STARD3: variants seen among roughly 807,000 people sequenced by gnomAD.
STARD3 encodes stAR-related lipid transfer protein 3.
In STARD3, 39 loss-of-function variants were observed where a neutral mutation model predicts 62.0. The ratio of observed to expected loss-of-function variants is 0.63; its 90% CI spans 0.49 to 0.82. STARD3 has a LOEUF of 0.82. Among genes scored for constraint, STARD3 ranks in the 40% least tolerant of loss-of-function variants. The pLI is 0.00. For synonymous variants in STARD3, 229 were observed against 242.4 expected, an observed-to-expected ratio of 0.94 and a Z score of 0.51; for missense variants, 543 against 584.5, an observed-to-expected ratio of 0.93 and a Z score of 0.73.
Position 39,659,316 on chromosome 17 carries a change from C to G in STARD3, c.703-145C>G, listed in dbSNP as rs1426068670. On this transcript the variant is annotated intron_variant, in intron 8 of 14. Transcript: ENST00000336308. ...GTGGAGCAGCCACAAGCCTGCAGGG[C>G]CCAGGGAGACCAGCCCAGATCCCAC... The G allele has an allele frequency of 1.0e-5, 10 of 977,224 alleles. No individual in the cohort carries two copies. The African/African-American group carries it at 1.1e-4, about 11-fold the overall frequency. The allele number at this position is 977,224 out of a possible 1,614,324, so 60.5% of individuals were successfully genotyped here.
At chr17:39,641,572 CCAGGGT>C (rs1398911072) in intron 1 of STARD3, among the ~76,000 whole-genome samples, 1 of 152,182 alleles carries the variant, frequency 6.6e-6, no homozygotes, top group Non-Finnish European at 1.5e-5. Context: ...ACCTGCCTGG[CCAGGGT>C]CCTGCCTCTA....
chr17:39,649,675 T>C (rs1294437569), intron 1 of STARD3, among the ~76,000 whole-genome samples: 1 of 151,588 alleles, frequency 6.6e-6, no homozygotes, highest in Non-Finnish European at 1.5e-5. Context: ...AAGACCAGCC[T>C]GGCCAATATG....
In STARD3 at chr17:39,662,900, C is replaced by G; in HGVS notation, c.1330C>G (p.Arg444Gly). 3 of 1,611,152 alleles carry G rather than the reference C, an allele frequency of 1.9e-6. No homozygotes were observed. The highest frequency in any genetic ancestry group is 1.7e-6 in the Non-Finnish European group (2 of 1,179,016). Residue 444 changes from arginine (R) to glycine (G), a missense_variant, in exon 15 of 15, where the codon CGG becomes GGG. Transcript: ENST00000336308. ...LRQRISELGA[R>G]A ...ACAGCGCATCAGCGAGCTGGGGGCC[C>G]GGGCGTGACTGTGCCCCCTCCCACC... is the stretch of plus-strand genomic sequence containing the variant.
At chr17:39,646,795 C>T (rs1016959893) in intron 1 of STARD3, among the ~76,000 whole-genome samples, 8 of 152,188 alleles carry the variant, frequency 5.3e-5, no homozygotes, top group Non-Finnish European at 8.8e-5. Context: ...GCCTGGAAAG[C>T]GGTGTGGGGG....
At chr17:39,649,865 CAAAAAAAAAAAA>C (rs10713558) in intron 1 of STARD3, among the ~76,000 whole-genome samples, 1 of 85,004 alleles carries the variant, frequency 1.2e-5, no homozygotes, top group Middle Eastern at 5.6e-3. Flanking sequence ...GACTCCGTCT[CAAAAAAAAAAAA>C]AAAAAAAAGA....
intron 1 of STARD3, among the ~76,000 whole-genome samples, chr17:39,648,061 G>A (rs916935579): frequency 2.6e-5 from 4 of 152,108 alleles, no homozygotes; most frequent in South Asian, 2.1e-4. Context: ...TGAGGCGGGC[G>A]GATCACGAGA....
In STARD3 at chr17:39,664,081, G is replaced by C. The variant is rs45469091; in HGVS notation, c.*1173G>C. 2 of 152,358 alleles carry C rather than the reference G, an allele frequency of 1.3e-5. No homozygotes were observed. Among genetic ancestry groups the C allele is most frequent in the East Asian group, 3.9e-4 (2 of 5,172 alleles). 9.4% of individuals were successfully genotyped at this position (152,358 alleles called of 1,614,324 possible). ...TTCAGAGCCAGGTGGATCCTGTTTC[G>C]GTCCTGCCTAGGTGTGTGACCCTGG... is the stretch of plus-strand genomic sequence containing the variant. On this transcript the variant is annotated 3_prime_UTR_variant, in exon 15 of 15. Transcript: ENST00000336308.
intron 1 of STARD3, among the ~76,000 whole-genome samples, chr17:39,648,807 T>G (rs1333285569): frequency 6.6e-6 from 1 of 152,220 alleles, no homozygotes; most frequent in Admixed American, 6.5e-5. Flanking sequence ...TAGCCCCATC[T>G]GCGTCTCTCG....
At chr17:39,646,186 T>A (rs1157426766) in intron 1 of STARD3, among the ~76,000 whole-genome samples, 3 of 151,956 alleles carry the variant, frequency 2.0e-5, no homozygotes, top group African/African-American at 4.8e-5. Flanking sequence ...CCACCGTGTC[T>A]GGCTTCTTGC....
intron 1 of STARD3, 47 bp from the exon 2 acceptor site, chr17:39,653,434 A>C (rs2057095735): frequency 2.3e-6 from 3 of 1,286,868 alleles, no homozygotes; most frequent in Non-Finnish European, 3.2e-6. Context: ...GCTGTGTGGG[A>C]GGGACAGGAG....
At chr17:39,662,518 T>C in intron 14 of STARD3, 174 bp downstream of exon 14, 1 of 684,014 alleles carries the variant, frequency 1.5e-6, no homozygotes. Context: ...TAGCCCTGGG[T>C]TGCTGTAGGG....
Position 39,653,582 on chromosome 17 carries a change from T to A in STARD3, c.51T>A (p.Pro17=). 1 of 1,610,538 alleles carries A rather than the reference T, an allele frequency of 6.2e-7. No homozygotes were observed. Among genetic ancestry groups the A allele is most frequent in the Non-Finnish European group, 8.5e-7 (1 of 1,179,986 alleles). Residue 17 remains proline (P), a synonymous_variant, in exon 2 of 15, where the codon CCT becomes CCA. Coordinates refer to ENST00000336308, the MANE Select transcript of STARD3 (RefSeq NM_006804.4). ...ELTRDLERSL[P]AVASLGSSLS... ...CCCGAGACTTGGAGCGCAGCCTGCC[T>A]GCCGTGGCCTCCCTGGGCTCCTCAC...
intron 3 of STARD3, among the ~76,000 whole-genome samples, chr17:39,657,559 C>G (rs1047434784): frequency 6.6e-6 from 1 of 152,086 alleles, no homozygotes; most frequent in African/African-American, 2.4e-5. Flanking sequence ...TCCACAAAGC[C>G]CCCTTCAGAG....
At chr17:39,658,102 T>A (rs760927680) in intron 5 of STARD3, 76 bp downstream of exon 5, 76 of 1,468,490 alleles carry the variant, frequency 5.2e-5, no homozygotes, top group Admixed American at 7.9e-5. Context: ...AGCATTTCTC[T>A]AATTTGGGGT....
At chr17:39,662,227 C>T (rs1272377724) in intron 13 of STARD3, 24 bp from the exon 14 acceptor site, 1 of 1,609,022 alleles carries the variant, frequency 6.2e-7, no homozygotes, top group Non-Finnish European at 8.5e-7. Flanking sequence ...TCCAAAGTCC[C>T]CCCAATGATG....
rs1295638394 is a variant in STARD3, at chr17:39,653,996, C to T, written c.219+246C>T. Among the ~76,000 whole-genome samples the T allele has an allele frequency of 3.3e-5, 5 of 152,324 alleles. No homozygotes were observed. In the East Asian group the frequency reaches 9.6e-4, roughly 29 times the overall value. On this transcript the variant is annotated intron_variant, in intron 2 of 14. Coordinates refer to ENST00000336308, the MANE Select transcript of STARD3 (RefSeq NM_006804.4). ...TGTGAAGGCAACGGCCTTGAACCTA[C>T]CCTCCAGCTGAGTTCATGCTCTTGG...
Position 39,662,427 on chromosome 17 carries a change from G to T in STARD3, c.1233+83G>T, listed in dbSNP as rs969479165. The T allele has an allele frequency of 5.1e-6, 7 of 1,371,194 alleles. No homozygotes were observed. The Admixed American group carries it at 1.2e-4, about 23-fold the overall frequency. 84.9% of individuals were successfully genotyped at this position (1,371,194 alleles called of 1,614,324 possible). A position where few individuals can be genotyped will look rare whatever the true frequency, so the allele number is the denominator to read the frequency against. On this transcript the variant is annotated intron_variant, in intron 14 of 14. Coordinates refer to ENST00000336308, the MANE Select transcript of STARD3 (RefSeq NM_006804.4). ...GACTTGGTTGCTGCATGACTTTGGG[G>T]GCTCTCTGCCATGCCTGGGCCTCCC... is the stretch of plus-strand genomic sequence containing the variant.
At chr17:39,659,668 C>G (rs2145033294) in intron 9 of STARD3, 115 bp downstream of exon 9, 1 of 1,142,574 alleles carries the variant, frequency 8.8e-7, no homozygotes, top group Non-Finnish European at 1.3e-6. Context: ...TATTCCTGCC[C>G]CAAGAGAGGG....
intron 1 of STARD3, among the ~76,000 whole-genome samples, chr17:39,647,549 G>C (rs566139777): frequency 6.6e-6 from 1 of 152,316 alleles, no homozygotes; most frequent in African/African-American, 2.4e-5. Flanking sequence ...CCTACAGTCA[G>C]CCAGAGAATG....
Sources: gnomAD v4.1 joint callset for allele counts (sites outside exome capture counted in the v4.1 genomes callset) on GRCh38, gnomAD v4.1.1 for gene constraint, MANE v1.5 for transcripts, NCBI Gene and HGNC (gene_info 2026-07-23, HGNC 2026-07-21) for gene names.